The following TOX variants were observed in gnomAD, a reference collection of about 807,000 sequenced individuals.
TOX encodes the protein thymocyte selection associated high mobility group box.
TOX carries 11 observed loss-of-function variants against 53.7 expected under a neutral mutation model. The observed-to-expected ratio is 0.20, with a 90% CI of 0.13 to 0.34. The LOEUF (loss-of-function observed/expected upper bound fraction) is 0.34, where lower values mean the gene tolerates loss of function less well. Ranked by LOEUF, TOX falls within the 10% of genes least tolerant of loss-of-function variation. The pLI is 1.00. For synonymous variants in TOX, 225 were observed against 245.3 expected, an observed-to-expected ratio of 0.92 and a Z score of 0.77; for missense variants, 570 against 664.6, an observed-to-expected ratio of 0.86 and a Z score of 1.56.
intron 3 of TOX, among the ~76,000 whole-genome samples, chr8:58,861,352 T>G (rs1811006796): frequency 6.6e-6 from 1 of 151,970 alleles, no homozygotes; most frequent in Non-Finnish European, 1.5e-5. Flanking sequence ...GTAAGGGGAG[T>G]TTATGAATGT....
chr8:59,004,941 A>T (rs1813759968), intron 1 of TOX, among the ~76,000 whole-genome samples: 1 of 152,222 alleles, frequency 6.6e-6, no homozygotes, highest in African/African-American at 2.4e-5. Context: ...CTATATCTGG[A>T]ATATGTGTGA....
At chr8:59,081,598 G>C (rs1017366672) in intron 1 of TOX, among the ~76,000 whole-genome samples, 9 of 152,132 alleles carry the variant, frequency 5.9e-5, no homozygotes, top group Non-Finnish European at 1.2e-4. Flanking sequence ...CTGAAAAGTA[G>C]CACTTGAAAA....
At chr8:58,808,385 A>C in intron 7 of TOX, 116 bp from the exon 8 acceptor site, 1 of 1,331,638 alleles carries the variant, frequency 7.5e-7, no homozygotes, top group Admixed American at 3.0e-5. Context: ...TGTCTCTGCA[A>C]GGGCAAGCCT....
At chr8:59,076,945 C>T (rs1804303418) in intron 1 of TOX, among the ~76,000 whole-genome samples, 1 of 152,200 alleles carries the variant, frequency 6.6e-6, no homozygotes, top group African/African-American at 2.4e-5. Context: ...TAGCACTTTA[C>T]AAAGCAATTT....
intron 3 of TOX, among the ~76,000 whole-genome samples, chr8:58,922,491 C>A (rs1812090137): frequency 6.6e-6 from 1 of 152,014 alleles, no homozygotes; most frequent in African/African-American, 2.4e-5. Context: ...TTTTAAATGA[C>A]TTTTTAATTT....
At chr8:59,060,438 C>T (rs1803962506) in intron 1 of TOX, among the ~76,000 whole-genome samples, 1 of 152,158 alleles carries the variant, frequency 6.6e-6, no homozygotes, top group Non-Finnish European at 1.5e-5. Context: ...CCAGCCTGGC[C>T]AACACGGTGA....
chr8:58,857,982 C>T (rs1484848411), intron 3 of TOX, among the ~76,000 whole-genome samples: 1 of 152,150 alleles, frequency 6.6e-6, no homozygotes, highest in Non-Finnish European at 1.5e-5. Context: ...GTTGGTCAGG[C>T]TGGTCTTGAA....
chr8:58,892,065 T>C lies in TOX; in HGVS notation c.412-40260A>G, dbSNP rs554202604. Reference sequence around the variant, plus strand: ...AGGGAAAAAAAAACTCTGCCATTCCTGGGTAGAAACCATTTCTGAAGAGCT... The same window carrying C: ...AGGGAAAAAAAAACTCTGCCATTCCCGGGTAGAAACCATTTCTGAAGAGCT... On this transcript the variant is annotated intron_variant, in intron 3 of 8. Coordinates refer to ENST00000361421, the MANE Select transcript of TOX (RefSeq NM_014729.3). Among the ~76,000 whole-genome samples, 27 of 152,346 alleles carry C rather than the reference T, an allele frequency of 1.8e-4. 1 individual carries two copies. Among genetic ancestry groups the C allele is most frequent in the Non-Finnish European group, 3.7e-4 (25 of 68,030 alleles).
At chr8:59,112,268 C>A (rs2129425031) in intron 1 of TOX, among the ~76,000 whole-genome samples, 1 of 152,322 alleles carries the variant, frequency 6.6e-6, no homozygotes, top group South Asian at 2.1e-4. Context: ...AAAGCTCATT[C>A]AGGTTAATGT....
At chr8:58,818,666 C>T (rs1810221610) in intron 6 of TOX, among the ~76,000 whole-genome samples, 2 of 152,136 alleles carry the variant, frequency 1.3e-5, no homozygotes, top group South Asian at 2.1e-4. Flanking sequence ...TGCTGACTTG[C>T]CCTCTTGACC....
At chr8:59,015,097 T>G (rs919469128) in intron 1 of TOX, among the ~76,000 whole-genome samples, 2 of 152,216 alleles carry the variant, frequency 1.3e-5, no homozygotes, top group Admixed American at 6.5e-5. Context: ...GGAAATTCAA[T>G]TTAAATCTAA....
intron 2 of TOX, among the ~76,000 whole-genome samples, chr8:58,946,118 A>G (rs571537964): frequency 4.5e-4 from 68 of 152,340 alleles, no homozygotes; most frequent in Middle Eastern, 3.4e-3. Context: ...AAACATATAC[A>G]TAATGCACTA....
intron 4 of TOX, among the ~76,000 whole-genome samples, chr8:58,846,550 C>T (rs921636514): frequency 6.6e-6 from 1 of 152,062 alleles, no homozygotes; most frequent in East Asian, 1.9e-4. Flanking sequence ...ACTCTAAAGG[C>T]TTATTTAATT....
chr8:59,104,641 G>A (rs1190254033), intron 1 of TOX, among the ~76,000 whole-genome samples: 4 of 152,148 alleles, frequency 2.6e-5, no homozygotes, highest in African/African-American at 2.4e-5. Context: ...CTCCACTTCC[G>A]GGAGATAACG....
Position 58,959,940 on chromosome 8 carries a change from C to T in TOX, c.168+3G>A, listed in dbSNP as rs964304040. The T allele has an allele frequency of 1.9e-6, 3 of 1,613,984 alleles. No homozygotes were observed. The highest frequency in any genetic ancestry group is 2.2e-5 in the East Asian group (1 of 44,894). On this transcript the variant is annotated splice_donor_region_variant and intron_variant, in intron 2 of 8. Coordinates refer to ENST00000361421, the MANE Select transcript of TOX (RefSeq NM_014729.3). Reference sequence around the variant, plus strand: ...ACAAGGCAGAGAAGATTAATTAACCCACCTGGCTGGCTGGCACATAGTCCT... The same window carrying T: ...ACAAGGCAGAGAAGATTAATTAACCTACCTGGCTGGCTGGCACATAGTCCT...
intron 2 of TOX, among the ~76,000 whole-genome samples, chr8:58,957,801 G>GA (rs1435322727): frequency 1.3e-5 from 2 of 152,048 alleles, no homozygotes; most frequent in Admixed American, 6.5e-5. Flanking sequence ...GTAGGAAAAG[G>GA]AAAAAACTAT....
At chr8:58,941,234 T>C (rs1442613608) in intron 2 of TOX, among the ~76,000 whole-genome samples, 2 of 152,228 alleles carry the variant, frequency 1.3e-5, no homozygotes, top group African/African-American at 2.4e-5. Context: ...CAAGTATGCA[T>C]ATAAGCATAA....
At chr8:58,818,419 C>T (rs931004559) in intron 6 of TOX, among the ~76,000 whole-genome samples, 2 of 152,206 alleles carry the variant, frequency 1.3e-5, no homozygotes, top group African/African-American at 4.8e-5. Context: ...ACAGAAATAA[C>T]GTATCCAGCC....
At chr8:58,850,300 C>T (rs549002424) in intron 4 of TOX, among the ~76,000 whole-genome samples, 9 of 152,308 alleles carry the variant, frequency 5.9e-5, no homozygotes, top group Non-Finnish European at 1.2e-4. Flanking sequence ...GCAGAGCCCA[C>T]AGGGCCACCT....
Sources: gnomAD v4.1 joint callset for allele counts (sites outside exome capture counted in the v4.1 genomes callset) on GRCh38, gnomAD v4.1.1 for gene constraint, MANE v1.5 for transcripts, NCBI Gene and HGNC (gene_info 2026-07-23, HGNC 2026-07-21) for gene names.